SLC28A2: variants seen among roughly 807,000 people sequenced by gnomAD.
SLC28A2 encodes the protein solute carrier family 28 member 2, also known as sodium/nucleoside cotransporter 2.
Under a neutral mutation model 72.9 loss-of-function variants are expected in SLC28A2, and 69 were observed. The ratio of observed to expected loss-of-function variants is 0.95; its 90% CI spans 0.78 to 1.16. The LOEUF (loss-of-function observed/expected upper bound fraction) is 1.16. Ranked by LOEUF, SLC28A2 falls within the 50% of genes most tolerant of loss-of-function variation. The pLI is 0.00. For missense variants in SLC28A2, 745 were observed against 791.1 expected (o/e 0.94, Z 0.70); for synonymous variants, 296 against 294.1 (o/e 1.01, Z -0.07).
At chr15:45,263,032 G>T in intron 4 of SLC28A2, 29 bp from the exon 5 acceptor site, 1 of 1,591,844 alleles carries the variant, frequency 6.3e-7, no homozygotes, top group Non-Finnish European at 8.6e-7. Flanking sequence ...CTGCCTTGCT[G>T]ATCTTTACTC....
chr15:45,264,431 A>G (rs1900262523), intron 6 of SLC28A2, among the ~76,000 whole-genome samples: 2 of 152,240 alleles, frequency 1.3e-5, no homozygotes, highest in South Asian at 2.1e-4. Flanking sequence ...TATAAGTGTC[A>G]TCTAACCTCT....
At position 45,267,736 on chromosome 15, in the gene SLC28A2, C is replaced by T. The variant is rs149379650; in HGVS notation, c.1139C>T (p.Ala380Val). 1.5e-5 allele frequency: 24 copies of T among 1,614,038 alleles called. No individual in the cohort carries two copies. Among genetic ancestry groups the T allele is most frequent in the East Asian group, 6.7e-5 (3 of 44,872 alleles). The change falls in exon 12 of 18, where the codon GCG becomes GTG. Residue 380 changes from alanine to valine, a missense_variant. By Grantham distance (64) the Ala-to-Val change is moderately conservative. Coordinates refer to ENST00000347644, the MANE Select transcript of SLC28A2 (RefSeq NM_004212.4). ...APCALASSKL[A>V]YPEVEESKFK... ...TGTGCTCTCGCCTCATCAAAGCTAG[C>T]GTATCCGGAAGTGGAGGAGTCCAAG... is the stretch of plus-strand genomic sequence containing the variant.
chr15:45,253,326 A>G (rs2140555161), intron 2 of SLC28A2, 30 bp downstream of exon 2: 1 of 1,568,830 alleles, frequency 6.4e-7, no homozygotes, highest in Non-Finnish European at 8.8e-7. Flanking sequence ...CTCTCTGCAG[A>G]GCTGTGGGCT....
At chr15:45,261,080 C>T (rs1222496357) in intron 3 of SLC28A2, among the ~76,000 whole-genome samples, 1 of 152,200 alleles carries the variant, frequency 6.6e-6, no homozygotes, top group African/African-American at 2.4e-5. Flanking sequence ...CCTGGCTAAG[C>T]TGCCCTGCCT....
chr15:45,274,804 G>A (rs1595685055), intron 17 of SLC28A2, among the ~76,000 whole-genome samples: 1 of 151,608 alleles, frequency 6.6e-6, no homozygotes, highest in South Asian at 2.1e-4. Context: ...GGGTGCAGTG[G>A]CACAATCTTG....
intron 5 of SLC28A2, 21 bp downstream of exon 5, chr15:45,263,265 C>A: frequency 6.2e-7 from 1 of 1,609,230 alleles, no homozygotes; most frequent in South Asian, 1.1e-5. Context: ...AATCTCAATA[C>A]CTGGCCTCAC....
In SLC28A2 at chr15:45,267,490, G is replaced by A; in HGVS notation, c.978G>A (p.Gly326=). 3 of 1,614,126 alleles carry A rather than the reference G, an allele frequency of 1.9e-6. No individual in the cohort carries two copies. Among genetic ancestry groups the A allele is most frequent in the Non-Finnish European group, 2.5e-6 (3 of 1,180,014 alleles). ...EAPLLIRPYL[G]DMTLSEIHAV... ...CTCTGCTCATCCGTCCCTACCTTGG[G>A]GACATGACACTCTCTGAAATCCATG... The change falls in exon 11 of 18, where the codon GGG becomes GGA. Residue 326 remains glycine, a synonymous_variant. Coordinates refer to ENST00000347644, the MANE Select transcript of SLC28A2 (RefSeq NM_004212.4).
chr15:45,269,293 T>A (rs774976105), intron 13 of SLC28A2, 45 bp from the exon 14 acceptor site: 1 of 1,531,762 alleles, frequency 6.5e-7, no homozygotes, highest in Non-Finnish European at 9.0e-7. Flanking sequence ...CTGACCTTTG[T>A]TATATTAGTC....
At chr15:45,269,994 G>T (rs934425039) in intron 14 of SLC28A2, among the ~76,000 whole-genome samples, 8 of 152,076 alleles carry the variant, frequency 5.3e-5, no homozygotes, top group Non-Finnish European at 1.2e-4. Context: ...AACAGCGTTG[G>T]GCAATGAGGC....
intron 17 of SLC28A2, among the ~76,000 whole-genome samples, chr15:45,273,587 G>A (rs1180833975): frequency 1.3e-5 from 2 of 152,200 alleles, no homozygotes; most frequent in African/African-American, 4.8e-5. Flanking sequence ...GTTTTGACCT[G>A]CTGAATTCTG....
chr15:45,269,472 A>G lies in SLC28A2; in HGVS notation c.1503A>G (p.Gln501=). ...TTGTGGCTTATCAGCAACTGTCTCA[A>G]TACAAGAACAAACGTCTCTCTGGAA... The part of the protein sequence containing the change: ...NEFVAYQQLS[Q]YKNKRLSGME... The change falls in exon 14 of 18, where the codon CAA becomes CAG. Residue 501 remains glutamine, a synonymous_variant. Transcript: ENST00000347644. The G allele has an allele frequency of 6.2e-7, 1 of 1,614,200 alleles. No individual in the cohort carries two copies.
At chr15:45,253,560 C>A in intron 3 of SLC28A2, 40 bp downstream of exon 3, 1 of 1,394,640 alleles carries the variant, frequency 7.2e-7, no homozygotes, top group Non-Finnish European at 1.0e-6. Flanking sequence ...AGGAAAGGAT[C>A]TAGGGTGGGC....
At chr15:45,271,596 G>GGAAA (rs1900573967) in intron 15 of SLC28A2, among the ~76,000 whole-genome samples, 1 of 150,158 alleles carries the variant, frequency 6.7e-6, no homozygotes, top group African/African-American at 2.5e-5. Flanking sequence ...AAGGAAGGAA[G>GGAAA]GAAGGAAGGA....
Position 45,252,265 on chromosome 15 carries a change from T to C in SLC28A2, c.-30T>C. 2.2e-6 allele frequency: 1 copy of C among 455,868 alleles called. No homozygotes were observed. 28.2% of individuals were successfully genotyped at this position (455,868 alleles called of 1,614,324 possible). ...TCACTGAGGAGCCAGAGGGAATCAA[T>C]TCCACAAGCTGGGGTAAGTAAAGGT... On this transcript the variant is annotated 5_prime_UTR_variant, in exon 1 of 18. Coordinates refer to ENST00000347644, the MANE Select transcript of SLC28A2 (RefSeq NM_004212.4).
chr15:45,265,267 C>G (rs951122032), intron 8 of SLC28A2, 101 bp downstream of exon 8: 9 of 834,608 alleles, frequency 1.1e-5, no homozygotes, highest in Non-Finnish European at 1.1e-5. Context: ...CCCCTGTATA[C>G]CAATTTGACC....
At position 45,267,650 on chromosome 15, in the gene SLC28A2, G is replaced by C; in HGVS notation, c.1069-16G>C. ...GTTTGATAGAAACACTGATGCCTAA[G>C]TCTGGCGCCTCACAGGTTGATGCAT... is the stretch of plus-strand genomic sequence containing the variant. On this transcript the variant is annotated splice_polypyrimidine_tract_variant and intron_variant, in intron 11 of 17. Coordinates refer to ENST00000347644, the MANE Select transcript of SLC28A2 (RefSeq NM_004212.4). 1 of 1,614,114 alleles carries C rather than the reference G, an allele frequency of 6.2e-7. No individual in the cohort carries two copies. The highest frequency in any genetic ancestry group is 8.5e-7 in the Non-Finnish European group (1 of 1,180,018).
intron 3 of SLC28A2, chr15:45,255,332 T>C (rs1371125954): frequency 6.6e-6 from 1 of 151,984 alleles, no homozygotes; most frequent in Non-Finnish European, 1.5e-5. Flanking sequence ...TTGCTCACCT[T>C]AATGAGGAGT....
chr15:45,257,301 AC>A lies in SLC28A2; in HGVS notation c.170+3782del, dbSNP rs1245960306. On this transcript the variant is annotated intron_variant, in intron 3 of 17. Coordinates refer to ENST00000347644, the MANE Select transcript of SLC28A2 (RefSeq NM_004212.4). ...TCCCTTCTTTCTCCAAACTTCCATA[AC>A]ATTCTATCTGACCCTCTCTTATAAC... Among the ~76,000 whole-genome samples, 3 of 152,210 alleles carry A rather than the reference AC, an allele frequency of 2.0e-5. No individual in the cohort carries two copies. The East Asian group carries it at 5.8e-4, about 29-fold the overall frequency.
At chr15:45,253,547 G>A in intron 3 of SLC28A2, 27 bp downstream of exon 3, 1 of 1,531,916 alleles carries the variant, frequency 6.5e-7, no homozygotes, top group Non-Finnish European at 9.0e-7. Flanking sequence ...ATCTTGTTCA[G>A]TTAGGAAAGG....
Sources: allele counts gnomAD v4.1 joint callset (sites outside exome capture counted in the v4.1 genomes callset), GRCh38; gene constraint gnomAD v4.1.1; transcripts MANE v1.5; gene names NCBI Gene and HGNC (gene_info 2026-07-23, HGNC 2026-07-21).